Variants in DMP1 observed in about 807,000 individuals in gnomAD.
The protein encoded by DMP1 is dentin matrix protein 1.
Under a neutral mutation model 14.6 loss-of-function variants are expected in DMP1, and 20 were observed. The ratio of observed to expected loss-of-function variants is 1.37; its 90% CI spans 0.96 to 1.99. The LOEUF (loss-of-function observed/expected upper bound fraction) is 1.99, where lower values mean the gene tolerates loss of function less well. Among genes scored for constraint, DMP1 ranks in the 30% most tolerant of loss-of-function variants. The probability of loss-of-function intolerance (pLI) is 0.00; values close to 1 mark genes in which losing one functional copy is unlikely to be tolerated. For missense variants in DMP1, 567 were observed against 620.5 expected, an observed-to-expected ratio of 0.91 and a Z score of 0.92; for synonymous variants, 197 against 215.3, an observed-to-expected ratio of 0.91 and a Z score of 0.75.
At chr4:87,658,006 G>C (rs1176707079) in intron 3 of DMP1, among the ~76,000 whole-genome samples, 1 of 152,154 alleles carries the variant, frequency 6.6e-6, no homozygotes, top group Non-Finnish European at 1.5e-5. Flanking sequence ...AAATCCATAG[G>C]CTGGTTAATT....
At chr4:87,656,733 A>C (rs1051742044) in intron 2 of DMP1, among the ~76,000 whole-genome samples, 187 bp downstream of exon 2, 23 of 152,224 alleles carry the variant, frequency 1.5e-4, no homozygotes, top group African/African-American at 5.5e-4. Flanking sequence ...CCATTCACAT[A>C]GATATCATTC....
In DMP1 at chr4:87,663,128, G is replaced by A. The variant is rs754299640; in HGVS notation, c.1350G>A (p.Glu450=). Residue 450 remains glutamate (E), a synonymous_variant, in exon 6 of 6, where the codon GAG becomes GAA. Transcript: ENST00000339673. The part of the protein sequence containing the change: ...AESQSEESHS[E]EDDSDSQDSS... Reference sequence around the variant, plus strand: ...GTCAGAGCGAGGAAAGCCATTCTGAGGAAGACGACAGTGACTCTCAAGACA... The same window carrying A: ...GTCAGAGCGAGGAAAGCCATTCTGAAGAAGACGACAGTGACTCTCAAGACA... 1 of 1,614,132 alleles carries A rather than the reference G, an allele frequency of 6.2e-7. No individual in the cohort carries two copies. The highest frequency in any genetic ancestry group is 8.5e-7 in the Non-Finnish European group (1 of 1,180,030).
At position 87,662,516 on chromosome 4, in the gene DMP1, T is replaced by A. The variant is rs190314299; in HGVS notation, c.738T>A (p.Ser246Arg). The A allele has an allele frequency of 1.2e-6, 2 of 1,614,066 alleles. No homozygotes were observed. The highest frequency in any genetic ancestry group is 3.3e-5 in the Admixed American group (2 of 60,024). Residue 246 changes from serine to arginine, a missense_variant, in exon 6 of 6, where the codon AGT becomes AGA. By Grantham distance (110) the Ser-to-Arg change is moderately radical (BLOSUM62 -1). Coordinates refer to ENST00000339673, the MANE Select transcript of DMP1 (RefSeq NM_004407.4). Reference sequence around the variant, plus strand: ...AATCAAAAGAATCTGGAGAAAACAGTGAGCAAGCAAACACTCAAGATTCAG... The same window carrying A: ...AATCAAAAGAATCTGGAGAAAACAGAGAGCAAGCAAACACTCAAGATTCAG... ...GMKSKESGEN[S>R]EQANTQDSGG... is the part of the protein sequence containing the mutation.
In DMP1 at chr4:87,662,412, G is replaced by T. The variant is rs149078199; in HGVS notation, c.634G>T (p.Asp212Tyr). ...SSHGDGSELD[D>Y]EGMQSDDPES... ...CCATGGAGACGGCTCCGAGTTGGAC[G>T]ATGAGGGAATGCAGAGTGATGACCC... Residue 212 changes from aspartate to tyrosine, a missense_variant, in exon 6 of 6, where the codon GAT becomes TAT. Transcript: ENST00000339673. 16 of 1,614,062 alleles carry T rather than the reference G, an allele frequency of 9.9e-6. No individual in the cohort carries two copies. Among genetic ancestry groups the T allele is most frequent in the Non-Finnish European group, 1.4e-5 (16 of 1,180,044 alleles).
chr4:87,657,747 T>C (rs1389031889), intron 3 of DMP1, among the ~76,000 whole-genome samples: 1 of 152,162 alleles, frequency 6.6e-6, no homozygotes, highest in South Asian at 2.1e-4. Flanking sequence ...GTGTGTCATA[T>C]CCCTCTCAGG....
chr4:87,662,465 C>T lies in DMP1; in HGVS notation c.687C>T (p.Asn229=). Residue 229 remains asparagine (N), a synonymous_variant, in exon 6 of 6, where the codon AAC becomes AAT. Coordinates refer to ENST00000339673, the MANE Select transcript of DMP1 (RefSeq NM_004407.4). ...AGAGCATCAGGAGTGAAAGGGGAAA[C>T]TCCAGAATGAACAGTGCAGGCATGA... is the stretch of plus-strand genomic sequence containing the variant. ...DPESIRSERG[N]SRMNSAGMKS... is the part of the protein sequence containing the mutation. 3.1e-6 allele frequency: 5 copies of T among 1,614,188 alleles called. No homozygotes were observed. The highest frequency in any genetic ancestry group is 4.2e-6 in the Non-Finnish European group (5 of 1,180,042).
At position 87,659,061 on chromosome 4, in the gene DMP1, T is replaced by C. The variant is rs1251019829; in HGVS notation, c.103-159T>C. ...AGCCATTAGTCATTTTACTTTCCTT[T>C]TGGAACCATTTCATCATAAAATTTC... On this transcript the variant is annotated intron_variant, in intron 3 of 5. Coordinates refer to ENST00000339673, the MANE Select transcript of DMP1 (RefSeq NM_004407.4). 3 of 730,664 alleles carry C rather than the reference T, an allele frequency of 4.1e-6. No homozygotes were observed. In the Admixed American group the frequency reaches 7.1e-5, roughly 17 times the overall value. 45.3% of individuals were successfully genotyped at this position (730,664 alleles called of 1,614,324 possible).
intron 3 of DMP1, chr4:87,658,939 A>G (rs1578153241): frequency 2.1e-6 from 1 of 468,212 alleles, no homozygotes; most frequent in East Asian, 4.0e-5. Context: ...TCTAGGTTGT[A>G]TGAACGGCCA....
chr4:87,652,495 C>T (rs1322675545), intron 1 of DMP1, among the ~76,000 whole-genome samples: 1 of 152,138 alleles, frequency 6.6e-6, no homozygotes, highest in East Asian at 1.9e-4. Flanking sequence ...TCTCAGAACT[C>T]TAGAGTGTCT....
rs551805150 is a variant in DMP1 at position 87,655,242 on chromosome 4, G to C, written c.-21-1230G>C. On this transcript the variant is annotated intron_variant, in intron 1 of 5. Coordinates refer to ENST00000339673, the MANE Select transcript of DMP1 (RefSeq NM_004407.4). ...CAAGTATGCTAGGGCAGCTACCAGG[G>C]CTTACTAGTGCAGGGTAAATTGCGT... Among the ~76,000 whole-genome samples, 16 of 152,276 alleles carry C rather than the reference G, an allele frequency of 1.1e-4. No homozygotes were observed. The South Asian group carries it at 3.1e-3, about 30-fold the overall frequency.
At chr4:87,660,925 C>T (rs1272172090) in intron 5 of DMP1, 1 of 152,194 alleles carries the variant, frequency 6.6e-6, no homozygotes, top group Non-Finnish European at 1.5e-5. Context: ...AAATTGGGGT[C>T]ATTTTAAGAT....
intron 1 of DMP1, among the ~76,000 whole-genome samples, chr4:87,651,217 C>A (rs533210798): frequency 6.6e-6 from 1 of 152,004 alleles, no homozygotes; most frequent in Admixed American, 6.6e-5. Flanking sequence ...TTTAAAAATG[C>A]GAACAAACTA....
Position 87,662,537 on chromosome 4 carries a change from T to C in DMP1, c.759T>C (p.Asp253=). The change falls in exon 6 of 6, where the codon GAT becomes GAC. Residue 253 remains aspartate, a synonymous_variant. Transcript: ENST00000339673. ...GENSEQANTQ[D]SGGSQLLEHP... Reference sequence around the variant, plus strand: ...ACAGTGAGCAAGCAAACACTCAAGATTCAGGTGGCAGCCAATTGCTGGAGC... The same window carrying C: ...ACAGTGAGCAAGCAAACACTCAAGACTCAGGTGGCAGCCAATTGCTGGAGC... The C allele has an allele frequency of 1.2e-6, 2 of 1,614,110 alleles. No homozygotes were observed. Among genetic ancestry groups the C allele is most frequent in the Non-Finnish European group, 1.7e-6 (2 of 1,180,018 alleles).
At chr4:87,652,225 C>T (rs1002027219) in intron 1 of DMP1, among the ~76,000 whole-genome samples, 2 of 152,144 alleles carry the variant, frequency 1.3e-5, no homozygotes, top group African/African-American at 2.4e-5. Context: ...ACTCAAAGTT[C>T]TGGACTTTTA....
At chr4:87,654,136 G>A (rs953249061) in intron 1 of DMP1, among the ~76,000 whole-genome samples, 2 of 152,082 alleles carry the variant, frequency 1.3e-5, no homozygotes, top group African/African-American at 4.8e-5. Context: ...TCTGCAATGC[G>A]GGTCTTATGA....
At chr4:87,660,584 G>A (rs1003243115) in intron 5 of DMP1, 11 of 152,274 alleles carry the variant, frequency 7.2e-5, no homozygotes, top group African/African-American at 2.7e-4. Flanking sequence ...AAACTAGCAG[G>A]TATGCTCTGT....
intron 1 of DMP1, among the ~76,000 whole-genome samples, chr4:87,654,962 A>G (rs2110011219): frequency 6.6e-6 from 1 of 152,244 alleles, no homozygotes; most frequent in East Asian, 1.9e-4. Context: ...GCCCACAGGA[A>G]TTTCCCTGTG....
rs1275938867 is a variant in DMP1, at chr4:87,663,484, T to A, written c.*164T>A. On this transcript the variant is annotated 3_prime_UTR_variant, in exon 6 of 6. Coordinates refer to ENST00000339673, the MANE Select transcript of DMP1 (RefSeq NM_004407.4). ...CATTACACTTGTTTTTAGGGTGTCA[T>A]CATTTCACAGAGGTTTAAATACTGT... 2.9e-6 allele frequency: 3 copies of A among 1,028,026 alleles called. No individual in the cohort carries two copies. The highest frequency in any genetic ancestry group is 4.3e-6 in the Non-Finnish European group (3 of 693,780). 63.7% of individuals were successfully genotyped at this position (1,028,026 alleles called of 1,614,324 possible).
Position 87,662,979 on chromosome 4 carries a change from G to C in DMP1, c.1201G>C (p.Glu401Gln). Residue 401 changes from glutamate to glutamine, a missense_variant, in exon 6 of 6, where the codon GAG (glutamate) becomes CAG (glutamine). Transcript: ENST00000339673. ...TLSHSKSESREEQADSESSES... is the reference protein window; with the variant it reads ...TLSHSKSESRQEQADSESSES... ...CTCCCACTCAAAAAGTGAATCCAGA[G>C]AGGAGCAAGCAGACAGCGAATCCAG... 6.2e-7 allele frequency: 1 copy of C among 1,614,204 alleles called. No homozygotes were observed.
Sources: gnomAD v4.1 joint callset for allele counts (sites outside exome capture counted in the v4.1 genomes callset) on GRCh38, gnomAD v4.1.1 for gene constraint, MANE v1.5 for transcripts, NCBI Gene and HGNC (gene_info 2026-07-23, HGNC 2026-07-21) for gene names.